RAB3C: variants seen among roughly 807,000 people sequenced by gnomAD.
RAB3C encodes RAB3C, member RAS oncogene family, also known as ras-related protein Rab-3C.
RAB3C carries 17 observed loss-of-function variants against 26.4 expected under a neutral mutation model. The ratio of observed to expected loss-of-function variants is 0.64; its 90% CI spans 0.44 to 0.97. The LOEUF (loss-of-function observed/expected upper bound fraction) is 0.97, where lower values mean the gene tolerates loss of function less well. Ranked by LOEUF, RAB3C falls within the 50% of genes least tolerant of loss-of-function variation. The probability of loss-of-function intolerance (pLI) is 0.00; values close to 1 mark genes in which losing one functional copy is unlikely to be tolerated. For synonymous variants in RAB3C, 91 were observed against 95.9 expected (o/e 0.95, Z 0.30); for missense variants, 242 against 281.9 (o/e 0.86, Z 1.01).
intron 3 of RAB3C, among the ~76,000 whole-genome samples, chr5:58,791,429 G>A (rs866073684): frequency 6.6e-6 from 1 of 152,320 alleles, no homozygotes; most frequent in Middle Eastern, 3.4e-3. Context: ...ACAAAGTAAG[G>A]AATCCCCAGT....
In RAB3C at chr5:58,668,605, A is replaced by C. The variant is rs7718937; in HGVS notation, c.252+50735A>C. On this transcript the variant is annotated intron_variant, in intron 2 of 4. Coordinates refer to ENST00000282878, the MANE Select transcript of RAB3C (RefSeq NM_138453.4). ...CATTAGGTATATTTGAGGCATAATC[A>C]GGGTCAAATCAGAGAATCACCAAAA... Among the ~76,000 whole-genome samples the C allele has an allele frequency of 2.2e-3, 336 of 152,260 alleles. 2 individuals are homozygous for C. The highest frequency in any genetic ancestry group is 7.8e-3 in the African/African-American group (325 of 41,552).
chr5:58,668,971 A>C (rs1237142317), intron 2 of RAB3C, among the ~76,000 whole-genome samples: 4 of 152,124 alleles, frequency 2.6e-5, no homozygotes, highest in Admixed American at 2.6e-4. Context: ...CCTGGCTTAC[A>C]GTTGGAGATG....
chr5:58,594,791 T>A (rs1339901610), intron 1 of RAB3C, among the ~76,000 whole-genome samples: 1 of 151,364 alleles, frequency 6.6e-6, no homozygotes, highest in Non-Finnish European at 1.5e-5. Context: ...TTAGTGTTTT[T>A]AAAAATGTTT....
At position 58,588,315 on chromosome 5, in the gene RAB3C, C is replaced by T. The variant is rs1006744347; in HGVS notation, c.24+5083C>T. 5.3e-5 allele frequency among the ~76,000 whole-genome samples: 8 copies of T among 152,114 alleles called. No homozygotes were observed. In the South Asian group the frequency reaches 1.0e-3, roughly 20 times the overall value. ...CCAAAGTGGGAGGACCGGCAATTCT[C>T]ACCAGCAATGTATGAGAGAGTTTTA... On this transcript the variant is annotated intron_variant, in intron 1 of 4. Coordinates refer to ENST00000282878, the MANE Select transcript of RAB3C (RefSeq NM_138453.4).
At chr5:58,751,018 C>G (rs1032135624) in intron 3 of RAB3C, among the ~76,000 whole-genome samples, 1 of 152,072 alleles carries the variant, frequency 6.6e-6, no homozygotes, top group Non-Finnish European at 1.5e-5. Context: ...CCACACCCAG[C>G]TAATTTTTGT....
chr5:58,632,316 G>C (rs1369711593), intron 2 of RAB3C, among the ~76,000 whole-genome samples: 1 of 152,202 alleles, frequency 6.6e-6, no homozygotes. Context: ...TGTGGTCCCA[G>C]AGTCAGTCCC....
intron 2 of RAB3C, among the ~76,000 whole-genome samples, chr5:58,641,860 T>C (rs946617934): frequency 1.3e-5 from 2 of 152,190 alleles, no homozygotes; most frequent in African/African-American, 4.8e-5. Flanking sequence ...CTTTTTGTTT[T>C]AAAAAAGAGT....
At chr5:58,678,659 C>T (rs1463184969) in intron 2 of RAB3C, among the ~76,000 whole-genome samples, 1 of 152,180 alleles carries the variant, frequency 6.6e-6, no homozygotes, top group Non-Finnish European at 1.5e-5. Flanking sequence ...TTTTTTCCAA[C>T]TCTGCCTAAG....
chr5:58,730,969 C>T (rs930078619), intron 3 of RAB3C, among the ~76,000 whole-genome samples: 6 of 152,166 alleles, frequency 3.9e-5, no homozygotes, highest in African/African-American at 9.6e-5. Context: ...AAAGCATGTT[C>T]AGGGGAGCTG....
chr5:58,844,785 G>C lies in RAB3C; in HGVS notation c.497-6379G>C, dbSNP rs139587241. Reference sequence around the variant, plus strand: ...AATAATTTATTGCAGTGTGACTTTAGTGGCTATTTCCTCTCTACAGAAAAA... The same window carrying C: ...AATAATTTATTGCAGTGTGACTTTACTGGCTATTTCCTCTCTACAGAAAAA... On this transcript the variant is annotated intron_variant, in intron 4 of 4. Transcript: ENST00000282878. 2.6e-5 allele frequency among the ~76,000 whole-genome samples: 4 copies of C among 152,234 alleles called. No homozygotes were observed. The East Asian group carries it at 7.7e-4, about 29-fold the overall frequency.
At chr5:58,612,851 C>T (rs1235197294) in intron 1 of RAB3C, among the ~76,000 whole-genome samples, 6 of 151,894 alleles carry the variant, frequency 4.0e-5, no homozygotes, top group African/African-American at 1.5e-4. Context: ...CCAGGACTTC[C>T]AATACTGTGT....
intron 3 of RAB3C, among the ~76,000 whole-genome samples, chr5:58,746,901 C>A (rs563952188): frequency 6.6e-6 from 1 of 152,206 alleles, no homozygotes; most frequent in Non-Finnish European, 1.5e-5. Flanking sequence ...TTGATTGGTT[C>A]CTTGAGCTTG....
chr5:58,810,110 G>T (rs986543014), intron 3 of RAB3C, among the ~76,000 whole-genome samples: 3 of 152,148 alleles, frequency 2.0e-5, no homozygotes, highest in African/African-American at 7.2e-5. Flanking sequence ...TAGAGAAGCT[G>T]CTGAAAGCCG....
At chr5:58,850,637 G>A (rs528740884) in intron 4 of RAB3C, among the ~76,000 whole-genome samples, 1 of 152,158 alleles carries the variant, frequency 6.6e-6, no homozygotes, top group East Asian at 1.9e-4. Flanking sequence ...TGCACACCAA[G>A]CCTTCTGAGC....
At chr5:58,701,473 C>T (rs1457632400) in intron 2 of RAB3C, among the ~76,000 whole-genome samples, 1 of 152,092 alleles carries the variant, frequency 6.6e-6, no homozygotes, top group Non-Finnish European at 1.5e-5. Context: ...TATTTTTAAG[C>T]TTCTAGCTTC....
intron 2 of RAB3C, among the ~76,000 whole-genome samples, chr5:58,682,824 C>T (rs1236319852): frequency 6.6e-6 from 1 of 152,050 alleles, no homozygotes; most frequent in African/African-American, 2.4e-5. Flanking sequence ...CCAGGATCAC[C>T]CTTCCATGAA....
At chr5:58,850,131 G>A (rs1410235905) in intron 4 of RAB3C, among the ~76,000 whole-genome samples, 1 of 152,200 alleles carries the variant, frequency 6.6e-6, no homozygotes, top group East Asian at 1.9e-4. Context: ...TGACTGGCAA[G>A]CTCAGCCAGT....
At chr5:58,699,425 G>T (rs908085075) in intron 2 of RAB3C, among the ~76,000 whole-genome samples, 2 of 152,202 alleles carry the variant, frequency 1.3e-5, no homozygotes, top group Non-Finnish European at 2.9e-5. Context: ...GGGGGTCAGG[G>T]ACCCACTTGA....
chr5:58,662,958 C>T (rs535641696), intron 2 of RAB3C, among the ~76,000 whole-genome samples: 1 of 150,304 alleles, frequency 6.7e-6, no homozygotes, highest in Non-Finnish European at 1.5e-5. Flanking sequence ...AGGCTATGAT[C>T]CTGTCAATGT....
Sources: gnomAD v4.1 joint callset for allele counts (sites outside exome capture counted in the v4.1 genomes callset) on GRCh38, gnomAD v4.1.1 for gene constraint, MANE v1.5 for transcripts, NCBI Gene and HGNC (gene_info 2026-07-23, HGNC 2026-07-21) for gene names.